RPH3A: variants seen among roughly 807,000 people sequenced by gnomAD.
The protein encoded by RPH3A is rabphilin 3A.
RPH3A carries 48 observed loss-of-function variants against 102.2 expected under a neutral mutation model. That is an observed-to-expected ratio of 0.47 (90% CI 0.37 to 0.60). The LOEUF (loss-of-function observed/expected upper bound fraction) is 0.60, where lower values mean the gene tolerates loss of function less well. Among genes scored for constraint, RPH3A ranks in the 20% least tolerant of loss-of-function variants. RPH3A has a pLI of 0.00. For missense variants in RPH3A, 781 were observed against 910.1 expected (o/e 0.86, Z 1.83); for synonymous variants, 310 against 324.3 (o/e 0.96, Z 0.47).
At chr12:112,838,281 G>C (rs1263487532) in intron 4 of RPH3A, among the ~76,000 whole-genome samples, 1 of 152,228 alleles carries the variant, frequency 6.6e-6, no homozygotes, top group Non-Finnish European at 1.5e-5. Context: ...GAGAACATGG[G>C]ATTTTATAAG....
intron 1 of RPH3A, among the ~76,000 whole-genome samples, chr12:112,751,448 A>G (rs1248019039): frequency 6.6e-6 from 1 of 152,222 alleles, no homozygotes; most frequent in Non-Finnish European, 1.5e-5. Context: ...AATGAAGGAT[A>G]ATAAAAATAC....
intron 1 of RPH3A, among the ~76,000 whole-genome samples, chr12:112,770,975 C>A (rs2040923580): frequency 6.6e-6 from 1 of 152,098 alleles, no homozygotes; most frequent in African/African-American, 2.4e-5. Flanking sequence ...GATTGGCAGG[C>A]CAGTTTTGTG....
At chr12:112,728,307 C>T (rs1314434840) in intron 1 of RPH3A, among the ~76,000 whole-genome samples, 2 of 152,118 alleles carry the variant, frequency 1.3e-5, no homozygotes, top group African/African-American at 4.8e-5. Context: ...GTTGGCAGAT[C>T]CCAGCTTTAA....
At chr12:112,707,739 T>C (rs575707348) in intron 1 of RPH3A, among the ~76,000 whole-genome samples, 1 of 152,370 alleles carries the variant, frequency 6.6e-6, no homozygotes, top group South Asian at 2.1e-4. Context: ...ATTTTATATT[T>C]ATCAAGAAGT....
intron 1 of RPH3A, among the ~76,000 whole-genome samples, chr12:112,628,894 A>G (rs962496632): frequency 6.6e-6 from 1 of 152,096 alleles, no homozygotes; most frequent in Non-Finnish European, 1.5e-5. Flanking sequence ...AGACCAGGGA[A>G]GAGGCTCCCA....
chr12:112,712,092 A>G (rs1039139057), intron 1 of RPH3A, among the ~76,000 whole-genome samples: 4 of 152,134 alleles, frequency 2.6e-5, no homozygotes, highest in Non-Finnish European at 4.4e-5. Flanking sequence ...TCAGCCTCCC[A>G]AAGTACTGGG....
intron 1 of RPH3A, among the ~76,000 whole-genome samples, chr12:112,619,295 T>C (rs2039703700): frequency 6.8e-6 from 1 of 146,904 alleles, no homozygotes. Context: ...TGTGTGTGTG[T>C]GTGTTTTGAG....
At chr12:112,712,245 C>G (rs762921757) in intron 1 of RPH3A, among the ~76,000 whole-genome samples, 5 of 152,122 alleles carry the variant, frequency 3.3e-5, no homozygotes, top group Non-Finnish European at 7.4e-5. Flanking sequence ...GCACGTAATC[C>G]ACCCAGACCA....
At chr12:112,855,867 G>A (rs1348755382) in intron 5 of RPH3A, among the ~76,000 whole-genome samples, 1 of 152,136 alleles carries the variant, frequency 6.6e-6, no homozygotes. Context: ...AATTGATGGT[G>A]TGGTGTGTGG....
chr12:112,856,304 G>A (rs1197743328), intron 5 of RPH3A, among the ~76,000 whole-genome samples: 1 of 152,234 alleles, frequency 6.6e-6, no homozygotes, highest in Non-Finnish European at 1.5e-5. Flanking sequence ...TCTGAGGTCA[G>A]TTTGGGCTTT....
chr12:112,597,090 A>T (rs2039522649), intron 1 of RPH3A, among the ~76,000 whole-genome samples: 2 of 152,216 alleles, frequency 1.3e-5, no homozygotes, highest in African/African-American at 4.8e-5. Flanking sequence ...CCATGACTTA[A>T]TATATCTGCA....
At chr12:112,885,516 A>G (rs945627922) in intron 16 of RPH3A, among the ~76,000 whole-genome samples, 1 of 152,184 alleles carries the variant, frequency 6.6e-6, no homozygotes, top group African/African-American at 2.4e-5. Context: ...CCTCCATTGT[A>G]CAGTATTTGT....
At chr12:112,578,666 G>A (rs531356749) in intron 1 of RPH3A, among the ~76,000 whole-genome samples, 8 of 152,266 alleles carry the variant, frequency 5.3e-5, no homozygotes, top group East Asian at 3.9e-4. Context: ...GCAAAAATGC[G>A]AACATAGCAA....
intron 5 of RPH3A, among the ~76,000 whole-genome samples, chr12:112,860,395 T>A (rs534534679): frequency 1.3e-5 from 2 of 152,350 alleles, no homozygotes; most frequent in East Asian, 3.9e-4. Flanking sequence ...CTGTGCCATT[T>A]GCTGCTGCTG....
In RPH3A at chr12:112,822,687, C is replaced by T. The variant is rs186133138; in HGVS notation, c.-18-5614C>T. On this transcript the variant is annotated intron_variant, in intron 2 of 21. Coordinates refer to ENST00000389385, the MANE Select transcript of RPH3A (RefSeq NM_001143854.2). ...CAGCTATCCAGTGCTTATTATTAGA[C>T]GTTTAGATTGTTTGAAGGAATTTAA... is the stretch of plus-strand genomic sequence containing the variant. Among the ~76,000 whole-genome samples the T allele has an allele frequency of 3.5e-4, 53 of 152,242 alleles. 1 individual carries two copies. The highest frequency in any genetic ancestry group is 3.4e-3 in the Middle Eastern group (1 of 294).
chr12:112,828,444 C>T (rs1194606951), intron 3 of RPH3A, 55 bp downstream of exon 3: 3 of 1,278,370 alleles, frequency 2.3e-6, no homozygotes, highest in Non-Finnish European at 2.2e-6. Context: ...GAGGTTTTGA[C>T]AATTCTACAC....
intron 7 of RPH3A, 111 bp from the exon 8 acceptor site, chr12:112,868,319 A>C (rs575506597): frequency 9.5e-7 from 1 of 1,055,028 alleles, no homozygotes; most frequent in African/African-American, 1.6e-5. Flanking sequence ...TGTGCTGGCT[A>C]TTGTGTCAGT....
chr12:112,616,177 T>A (rs2039677655), intron 1 of RPH3A, among the ~76,000 whole-genome samples: 1 of 152,218 alleles, frequency 6.6e-6, no homozygotes, highest in South Asian at 2.1e-4. Context: ...GACAGAATCT[T>A]GCTCTGTCAC....
At chr12:112,663,610 G>A (rs780543709) in intron 1 of RPH3A, among the ~76,000 whole-genome samples, 16 of 151,940 alleles carry the variant, frequency 1.1e-4, no homozygotes, top group Non-Finnish European at 1.6e-4. Flanking sequence ...TCCTGCCTTG[G>A]CCTACCAAAG....
Sources: allele counts gnomAD v4.1 joint callset (sites outside exome capture counted in the v4.1 genomes callset), GRCh38; gene constraint gnomAD v4.1.1; transcripts MANE v1.5; gene names NCBI Gene and HGNC (gene_info 2026-07-23, HGNC 2026-07-21).